The following ADAM10 variants were observed in gnomAD, a reference collection of about 807,000 sequenced individuals.
ADAM10 encodes disintegrin and metalloproteinase domain-containing protein 10.
A neutral mutation model predicts 90.1 loss-of-function variants in ADAM10; 17 were observed. The ratio of observed to expected loss-of-function variants is 0.19; its 90% confidence interval spans 0.13 to 0.28. The LOEUF (loss-of-function observed/expected upper bound fraction) is 0.28, where lower values mean the gene tolerates loss of function less well. Among genes scored for constraint, ADAM10 ranks in the 10% least tolerant of loss-of-function variants. ADAM10 has a pLI of 1.00. For missense variants in ADAM10, 610 were observed against 914.3 expected (o/e 0.67, Z 4.29); for synonymous variants, 310 against 298.6 (o/e 1.04, Z -0.40).
At chr15:58,698,406 T>A (rs76709649) in intron 2 of ADAM10, 122 of 201,730 alleles carry the variant, frequency 6.0e-4, no homozygotes, top group South Asian at 1.8e-3. Context: ...ACCCCATCTC[T>A]AAAAAAAAAA....
chr15:58,601,502 A>G (rs1895109170), intron 14 of ADAM10, among the ~76,000 whole-genome samples: 1 of 152,136 alleles, frequency 6.6e-6, no homozygotes. Context: ...AAACTTTTAA[A>G]AATCTGGAAG....
At chr15:58,617,307 T>G (rs934829208) in intron 11 of ADAM10, among the ~76,000 whole-genome samples, 4 of 151,896 alleles carry the variant, frequency 2.6e-5, no homozygotes, top group Non-Finnish European at 5.9e-5. Context: ...ATAAACTATA[T>G]GCCAATAAAT....
intron 5 of ADAM10, among the ~76,000 whole-genome samples, chr15:58,660,052 C>T (rs1365372610): frequency 6.6e-6 from 1 of 152,164 alleles, no homozygotes; most frequent in East Asian, 1.9e-4. Flanking sequence ...TTCTTAAGGA[C>T]TTTAAGACTG....
rs1899440177 is a variant in ADAM10, at chr15:58,736,642, G to A, written c.55+12838C>T. Among the ~76,000 whole-genome samples, 3 of 152,046 alleles carry A rather than the reference G, an allele frequency of 2.0e-5. No individual in the cohort carries two copies. The South Asian group carries it at 6.2e-4, about 31-fold the overall frequency. On this transcript the variant is annotated intron_variant, in intron 1 of 15. Coordinates refer to ENST00000260408, the MANE Select transcript of ADAM10 (RefSeq NM_001110.4). Reference sequence around the variant, plus strand: ...TATTATTAAAAAGAGAGTAAATGTGGTAAAGGTAACCATTCATAAATTCAG... The same window carrying A: ...TATTATTAAAAAGAGAGTAAATGTGATAAAGGTAACCATTCATAAATTCAG...
intron 8 of ADAM10, among the ~76,000 whole-genome samples, chr15:58,635,290 A>AAAAG (rs1217608076): frequency 3.1e-5 from 4 of 131,014 alleles, no homozygotes; most frequent in African/African-American, 1.2e-4. Context: ...AAAAAAAAAA[A>AAAAG]AAAGAAAGAA....
At chr15:58,682,360 C>T in intron 2 of ADAM10, 46 bp from the exon 3 acceptor site, 2 of 1,590,048 alleles carry the variant, frequency 1.3e-6, no homozygotes, top group Non-Finnish European at 1.7e-6. Flanking sequence ...TTAAAAAGAT[C>T]CAAATTTTAA....
At chr15:58,745,056 A>T (rs1163498520) in intron 1 of ADAM10, among the ~76,000 whole-genome samples, 1 of 152,134 alleles carries the variant, frequency 6.6e-6, no homozygotes. Flanking sequence ...GGTGGTGCGC[A>T]CCTGTAGTCC....
rs1293329797 is a variant in ADAM10 at position 58,610,792 on chromosome 15, G to A, written c.1804+207C>T. 8 of 632,902 alleles carry A rather than the reference G, an allele frequency of 1.3e-5. No individual in the cohort carries two copies. In the African/African-American group the frequency reaches 1.5e-4, roughly 12 times the overall value. 39.2% of individuals were successfully genotyped at this position (632,902 alleles called of 1,614,324 possible). A position where few individuals can be genotyped will look rare whatever the true frequency, so the allele number is the denominator to read the frequency against. On this transcript the variant is annotated intron_variant, in intron 13 of 15. Transcript: ENST00000260408. ...AAATTACTGCTGTAAAGCTGGCAAC[G>A]TTTTGTCTAGTTTATCATTTTTAAA...
chr15:58,653,572 T>C (rs537140666), intron 5 of ADAM10, among the ~76,000 whole-genome samples: 1 of 152,304 alleles, frequency 6.6e-6, no homozygotes, highest in East Asian at 1.9e-4. Context: ...TACCACTTAG[T>C]CATGATGAAT....
At position 58,590,932 on chromosome 15, in the gene ADAM10, G is replaced by A. The variant is rs566427144; in HGVS notation, c.*6615C>T. Reference sequence around the variant, plus strand: ...TTTACACTGAGAACAAACAACTACAGAATATCTTTTTAAAGATCTATTTCC... The same window carrying A: ...TTTACACTGAGAACAAACAACTACAAAATATCTTTTTAAAGATCTATTTCC... On this transcript the variant is annotated 3_prime_UTR_variant, in exon 16 of 16. Coordinates refer to ENST00000260408, the MANE Select transcript of ADAM10 (RefSeq NM_001110.4). 2 of 152,162 alleles carry A rather than the reference G, an allele frequency of 1.3e-5. No homozygotes were observed. Among genetic ancestry groups the A allele is most frequent in the Non-Finnish European group, 2.9e-5 (2 of 68,004 alleles). 9.4% of individuals were successfully genotyped at this position (152,162 alleles called of 1,614,324 possible).
At chr15:58,679,461 C>T (rs1300279660) in intron 3 of ADAM10, among the ~76,000 whole-genome samples, 179 bp from the exon 4 acceptor site, 1 of 151,822 alleles carries the variant, frequency 6.6e-6, no homozygotes, top group Non-Finnish European at 1.5e-5. Context: ...ATATATCAAG[C>T]AGAATGTGAG....
At chr15:58,739,340 A>T (rs1595670675) in intron 1 of ADAM10, among the ~76,000 whole-genome samples, 1 of 149,564 alleles carries the variant, frequency 6.7e-6, no homozygotes, top group Non-Finnish European at 1.5e-5. Context: ...CCCCGTCTCT[A>T]CCAAAAATAC....
chr15:58,717,560 G>A lies in ADAM10; in HGVS notation c.206+17C>T. 7 of 1,613,586 alleles carry A rather than the reference G, an allele frequency of 4.3e-6. No individual in the cohort carries two copies. The highest frequency in any genetic ancestry group is 5.9e-6 in the Non-Finnish European group (7 of 1,179,816). ...TATAGAGGAACTTCAGACACAGTCA[G>A]CAATAAATTTACTTACCTTCCATGG... On this transcript the variant is annotated intron_variant, in intron 2 of 15. Coordinates refer to ENST00000260408, the MANE Select transcript of ADAM10 (RefSeq NM_001110.4).
At chr15:58,733,658 AC>A (rs1334849792) in intron 1 of ADAM10, among the ~76,000 whole-genome samples, 1 of 152,106 alleles carries the variant, frequency 6.6e-6, no homozygotes. Flanking sequence ...AAACTGCATA[AC>A]CTCTATAGGG....
intron 5 of ADAM10, among the ~76,000 whole-genome samples, chr15:58,661,543 G>GTA (rs143812212): frequency 0.18 from 26,986 of 151,900 alleles, 2,812 homozygotes; most frequent in East Asian, 0.44. Flanking sequence ...GTATGTAAAT[G>GTA]TATCTCCTTT....
rs1022871722 is a variant in ADAM10 at position 58,616,879 on chromosome 15, C to A, written c.1511+4592G>T. The stretch of plus-strand genomic sequence containing the variant: ...ATCCCAGCACTTTGGGAGGCCGAGG[C>A]GGACAGATCACAAGGTCAAGAGATT... On this transcript the variant is annotated intron_variant, in intron 11 of 15. Transcript: ENST00000260408. Among the ~76,000 whole-genome samples the A allele has an allele frequency of 1.3e-5, 2 of 152,042 alleles. 1 individual carries two copies. The highest frequency in any genetic ancestry group is 4.2e-4 in the South Asian group (2 of 4,808).
chr15:58,616,893 G>A (rs1483994584), intron 11 of ADAM10, among the ~76,000 whole-genome samples: 1 of 152,122 alleles, frequency 6.6e-6, no homozygotes, highest in Non-Finnish European at 1.5e-5. Context: ...CAGATCACAA[G>A]GTCAAGAGAT....
intron 2 of ADAM10, among the ~76,000 whole-genome samples, chr15:58,704,848 T>C (rs755407739): frequency 6.6e-6 from 1 of 152,168 alleles, no homozygotes; most frequent in African/African-American, 2.4e-5. Context: ...AAGACTAAAA[T>C]TAGGAGTAGA....
At chr15:58,699,766 A>T (rs1261627295) in intron 2 of ADAM10, among the ~76,000 whole-genome samples, 1 of 152,192 alleles carries the variant, frequency 6.6e-6, no homozygotes, top group Non-Finnish European at 1.5e-5. Context: ...ACACAGTGAG[A>T]GCCCATCTCA....
Sources: gnomAD v4.1 joint callset for allele counts (sites outside exome capture counted in the v4.1 genomes callset) on GRCh38, gnomAD v4.1.1 for gene constraint, MANE v1.5 for transcripts, NCBI Gene and HGNC (gene_info 2026-07-23, HGNC 2026-07-21) for gene names.